LAT: variants seen among roughly 807,000 people sequenced by gnomAD.
The protein encoded by LAT is linker for activation of T cells.
In LAT, 12 loss-of-function variants were observed where a neutral mutation model predicts 39.1. That is an observed-to-expected ratio of 0.31 (90% CI 0.20 to 0.50). The LOEUF (loss-of-function observed/expected upper bound fraction) is 0.50. LAT is among the 20% of genes least tolerant of loss of function. The pLI, the probability that LAT is intolerant of heterozygous loss-of-function variation, is 0.98. For missense variants in LAT, 253 were observed against 308.0 expected (o/e 0.82, Z 1.34); for synonymous variants, 117 against 123.8 (o/e 0.95, Z 0.36).
chr16:28,987,904 C>A (rs1274984148), intron 8 of LAT: 1 of 149,982 alleles, frequency 6.7e-6, no homozygotes, highest in Non-Finnish European at 1.5e-5. Context: ...CCAGCCTGAG[C>A]AACATGGCGA....
chr16:28,986,502 T>C lies in LAT; in HGVS notation c.311-38T>C. On this transcript the variant is annotated intron_variant, in intron 5 of 11. Transcript: ENST00000395456. This position sits in a 1 kb window ranked among gnomAD's most constrained non-coding sequence, Gnocchi z 5.7. ...GGCTGGGAAGAAGATAGGCCTGGCCTGAGCTGACTTAGTCTCCCTCTCACC... is the reference window on the plus strand; with the variant it reads ...GGCTGGGAAGAAGATAGGCCTGGCCCGAGCTGACTTAGTCTCCCTCTCACC... 1 of 1,611,236 alleles carries C rather than the reference T, an allele frequency of 6.2e-7. No individual in the cohort carries two copies. The highest frequency in any genetic ancestry group is 8.5e-7 in the Non-Finnish European group (1 of 1,177,796).
In LAT at chr16:28,986,429, G is replaced by A. The variant is rs375713159; in HGVS notation, c.293G>A (p.Arg98Gln). 28 of 1,613,830 alleles carry A rather than the reference G, an allele frequency of 1.7e-5. No homozygotes were observed. Among genetic ancestry groups the A allele is most frequent in the African/African-American group, 1.7e-4 (13 of 74,934 alleles). The change falls in exon 5 of 12, where the codon CGG becomes CAG. Residue 98 changes from arginine (R) to glutamine (Q), a missense_variant. Arg to Gln is a conservative substitution (Grantham distance 43). Coordinates refer to ENST00000395456, the MANE Select transcript of LAT (RefSeq NM_001014987.2). This position sits in a 1 kb window ranked among gnomAD's most constrained non-coding sequence, Gnocchi z 5.7. ...GGCTCCCACCGGACGCCATCTTCCC[G>A]GCGGGATTCTGATGGTGGTAAGTGT... ...LGGSHRTPSS[R>Q]RDSDGANSVA...
chr16:28,986,224 G>T lies in LAT; in HGVS notation c.245+8G>T. 6.3e-7 allele frequency: 1 copy of T among 1,590,340 alleles called. No homozygotes were observed. Among genetic ancestry groups the T allele is most frequent in the Non-Finnish European group, 8.6e-7 (1 of 1,166,568 alleles). On this transcript the variant is annotated splice_region_variant and intron_variant, in intron 4 of 11. Coordinates refer to ENST00000395456, the MANE Select transcript of LAT (RefSeq NM_001014987.2). The surrounding 1 kb of genome is among the most constrained non-coding windows in gnomAD (Gnocchi z 5.7). Reference sequence around the variant, plus strand: ...AGACCTGCTCCCCATCCCGTGAGTAGCTGCTCAGCCCCTGCCCCTCCAAAG... The same window carrying T: ...AGACCTGCTCCCCATCCCGTGAGTATCTGCTCAGCCCCTGCCCCTCCAAAG...
rs766185217 is a variant in LAT at position 28,986,260 on chromosome 16, C to A, written c.245+44C>A. On this transcript the variant is annotated intron_variant, in intron 4 of 11. Transcript: ENST00000395456. The surrounding 1 kb of genome is among the most constrained non-coding windows in gnomAD (Gnocchi z 5.7). The stretch of plus-strand genomic sequence containing the variant: ...CCTGCCCCTCCAAAGCTCAGCCCCT[C>A]CCCCTCCAAACTCCACTCTCTACCC... 8 of 1,544,130 alleles carry A rather than the reference C, an allele frequency of 5.2e-6. No individual in the cohort carries two copies. The East Asian group carries it at 1.6e-4, about 31-fold the overall frequency.
chr16:28,990,065 C>CT (rs1378514003), intron 11 of LAT, 46 bp downstream of exon 11: 7 of 1,507,640 alleles, frequency 4.6e-6, no homozygotes, highest in African/African-American at 1.4e-5. Context: ...CCCACAGGCT[C>CT]TACTCCTTCC....
intron 8 of LAT, 77 bp from the exon 9 acceptor site, chr16:28,989,450 G>A (rs2141688751): frequency 1.5e-6 from 2 of 1,340,538 alleles, no homozygotes; most frequent in East Asian, 4.6e-5. Context: ...CTGCATGGCT[G>A]AGGTTGGGGG....
chr16:28,986,479 C>G lies in LAT; in HGVS notation c.310+33C>G. The G allele has an allele frequency of 3.7e-6, 6 of 1,613,438 alleles. No homozygotes were observed. The highest frequency in any genetic ancestry group is 5.1e-6 in the Non-Finnish European group (6 of 1,179,622). ...TGGGGAAGGGTTCAGGCGGCGGGGG[C>G]TGGGAAGAAGATAGGCCTGGCCTGA... On this transcript the variant is annotated intron_variant, in intron 5 of 11. Transcript: ENST00000395456. This position sits in a 1 kb window ranked among gnomAD's most constrained non-coding sequence, Gnocchi z 5.7.
In LAT at chr16:28,985,821, A is replaced by G; in HGVS notation, c.129-33A>G. On this transcript the variant is annotated intron_variant, in intron 2 of 11. Transcript: ENST00000395456. The surrounding 1 kb of genome is among the most constrained non-coding windows in gnomAD (Gnocchi z 4.6). ...CTGGGGCTTCCATCCTCCATCTTCC[A>G]GCCCCATCCCCAAGCTGTGTCTCCT... 5 of 1,613,978 alleles carry G rather than the reference A, an allele frequency of 3.1e-6. No homozygotes were observed. Among genetic ancestry groups the G allele is most frequent in the Non-Finnish European group, 4.2e-6 (5 of 1,179,942 alleles).
Position 28,989,440 on chromosome 16 carries a change from C to T in LAT, c.494-87C>T, listed in dbSNP as rs1031739044. On this transcript the variant is annotated intron_variant, in intron 8 of 11. Coordinates refer to ENST00000395456, the MANE Select transcript of LAT (RefSeq NM_001014987.2). ...CTCTGGGGTCTACCGTTGGGGAGCTCTGCATGGCTGAGGTTGGGGGTTCTC... is the reference window on the plus strand; with the variant it reads ...CTCTGGGGTCTACCGTTGGGGAGCTTTGCATGGCTGAGGTTGGGGGTTCTC... 48 of 1,227,984 alleles carry T rather than the reference C, an allele frequency of 3.9e-5. No homozygotes were observed. In the African/African-American group the frequency reaches 6.6e-4, roughly 17 times the overall value. 76.1% of individuals were successfully genotyped at this position (1,227,984 alleles called of 1,614,324 possible).
intron 8 of LAT, 83 bp from the exon 9 acceptor site, chr16:28,989,444 A>G: frequency 7.9e-7 from 1 of 1,270,200 alleles, no homozygotes; most frequent in Non-Finnish European, 1.1e-6. Context: ...GGAGCTCTGC[A>G]TGGCTGAGGT....
At chr16:28,984,991 A>C, upstream of LAT, 1 of 1,442,170 alleles carries the variant, frequency 6.9e-7, no homozygotes, top group Non-Finnish European at 9.1e-7. Context: ...GTGGGGTGGG[A>C]AGGGGGCGGG....
In LAT at chr16:28,985,649, G is replaced by A; in HGVS notation, c.101-64G>A. On this transcript the variant is annotated intron_variant, in intron 1 of 11. Transcript: ENST00000395456. This position sits in a 1 kb window ranked among gnomAD's most constrained non-coding sequence, Gnocchi z 4.6. ...GATCCCAGCGCCTCTGAGAGTCCCTGGATCCCAGCACCTTCTGCCCTAAGC... is the reference window on the plus strand; with the variant it reads ...GATCCCAGCGCCTCTGAGAGTCCCTAGATCCCAGCACCTTCTGCCCTAAGC... 1 of 1,611,224 alleles carries A rather than the reference G, an allele frequency of 6.2e-7. No individual in the cohort carries two copies. The highest frequency in any genetic ancestry group is 8.5e-7 in the Non-Finnish European group (1 of 1,177,978).
At chr16:28,987,018 C>T (rs1401361593) in intron 8 of LAT, 125 bp downstream of exon 8, 80 of 762,782 alleles carry the variant, frequency 1.0e-4, no homozygotes, top group Admixed American at 8.8e-4. Flanking sequence ...GTAGGCTACT[C>T]GGCCTCAGCC....
chr16:28,988,084 C>T (rs1965798904), intron 8 of LAT: 1 of 150,140 alleles, frequency 6.7e-6, no homozygotes, highest in Non-Finnish European at 1.5e-5. Context: ...AGAGTGAGAC[C>T]TTGTGTTAAA....
chr16:28,986,827 A>G lies in LAT; in HGVS notation c.427A>G (p.Thr143Ala). The G allele has an allele frequency of 6.2e-7, 1 of 1,613,986 alleles. No homozygotes were observed. ...GGTGCTTCCTGACAGCACCCCGGCCACTAGCACTGCTGCCCCATCAGCTCC... is the reference window on the plus strand; with the variant it reads ...GGTGCTTCCTGACAGCACCCCGGCCGCTAGCACTGCTGCCCCATCAGCTCC... ...LVVLPDSTPATSTAAPSAPAL... is the reference protein window; with the variant it reads ...LVVLPDSTPAASTAAPSAPAL... The change falls in exon 8 of 12, where the codon ACT becomes GCT. Residue 143 changes from threonine to alanine, a missense_variant. Thr to Ala is a moderately conservative substitution (Grantham distance 58, BLOSUM62 0). Transcript: ENST00000395456. The surrounding 1 kb of genome is among the most constrained non-coding windows in gnomAD (Gnocchi z 5.7).
Position 28,986,719 on chromosome 16 carries a change from G to A in LAT, c.398+5G>A. On this transcript the variant is annotated splice_donor_5th_base_variant and intron_variant, in intron 7 of 11. Coordinates refer to ENST00000395456, the MANE Select transcript of LAT (RefSeq NM_001014987.2). The surrounding 1 kb of genome is among the most constrained non-coding windows in gnomAD (Gnocchi z 5.7). The stretch of plus-strand genomic sequence containing the variant: ...CTATCACAACCCAGGCTACCTGTGA[G>A]TGGCCAGGTGGGAGGTGGGAGGTGA... 6.2e-7 allele frequency: 1 copy of A among 1,612,216 alleles called. No homozygotes were observed. The highest frequency in any genetic ancestry group is 1.1e-5 in the South Asian group (1 of 90,818).
chr16:28,985,769 C>T lies in LAT; in HGVS notation c.128+29C>T. 3 of 1,614,050 alleles carry T rather than the reference C, an allele frequency of 1.9e-6. No homozygotes were observed. The highest frequency in any genetic ancestry group is 2.5e-6 in the Non-Finnish European group (3 of 1,179,940). ...AGTCCGCCCCAGCCGCCCTGGGTCT[C>T]CCTCCACACCCCATGGCGGGGCAGG... On this transcript the variant is annotated intron_variant, in intron 2 of 11. Coordinates refer to ENST00000395456, the MANE Select transcript of LAT (RefSeq NM_001014987.2). The surrounding 1 kb of genome is among the most constrained non-coding windows in gnomAD (Gnocchi z 4.6).
In LAT at chr16:28,986,029, C is replaced by G; in HGVS notation, c.164-106C>G. 1 of 1,380,170 alleles carries G rather than the reference C, an allele frequency of 7.2e-7. No individual in the cohort carries two copies. Among genetic ancestry groups the G allele is most frequent in the Non-Finnish European group, 1.0e-6 (1 of 971,712 alleles). 85.5% of individuals were successfully genotyped at this position (1,380,170 alleles called of 1,614,324 possible). On this transcript the variant is annotated intron_variant, in intron 3 of 11. Transcript: ENST00000395456. The surrounding 1 kb of genome is among the most constrained non-coding windows in gnomAD (Gnocchi z 5.7). ...ACCTGAGCTGGGAGAGGGGAGATGG[C>G]TCCCCCAGGCCTGTCCAGGGTGTGG...
intron 11 of LAT, 24 bp from the exon 12 acceptor site, chr16:28,990,165 C>A: frequency 1.4e-6 from 1 of 733,240 alleles, no homozygotes; most frequent in Non-Finnish European, 2.4e-6. Context: ...GATCCGTATC[C>A]CTCCCTGCCC....
Sources: gnomAD v4.1 joint callset for allele counts on GRCh38, gnomAD v4.1.1 for gene constraint, Gnocchi (gnomAD v3.1) non-coding constraint, MANE v1.5 for transcripts, NCBI Gene and HGNC (gene_info 2026-07-23, HGNC 2026-07-21) for gene names.